DOCK10: variants seen among roughly 807,000 people sequenced by gnomAD.
DOCK10 encodes dedicator of cytokinesis protein 10.
In DOCK10, 145 loss-of-function variants were observed where a neutral mutation model predicts 280.1. The ratio of observed to expected loss-of-function variants is 0.52; its 90% CI spans 0.45 to 0.59. The LOEUF is 0.59. DOCK10 is among the 20% of genes least tolerant of loss of function. The pLI is 0.00. For synonymous variants in DOCK10, 915 were observed against 942.2 expected, an observed-to-expected ratio of 0.97 and a Z score of 0.53; for missense variants, 2,368 against 2,651.7, an observed-to-expected ratio of 0.89 and a Z score of 2.35.
chr2:224,772,956 T>G (rs1038361526), intron 53 of DOCK10, among the ~76,000 whole-genome samples: 3 of 152,182 alleles, frequency 2.0e-5, no homozygotes, highest in African/African-American at 7.2e-5. Context: ...CAGCTAAACT[T>G]AAGAAAGGCC....
At chr2:224,887,948 C>T (rs918221803) in intron 4 of DOCK10, among the ~76,000 whole-genome samples, 1 of 152,124 alleles carries the variant, frequency 6.6e-6, no homozygotes, top group Non-Finnish European at 1.5e-5. Context: ...CCTCTCACCC[C>T]TGGTAACTGT....
At chr2:224,823,083 G>A (rs1694609000) in intron 28 of DOCK10, among the ~76,000 whole-genome samples, 1 of 150,636 alleles carries the variant, frequency 6.6e-6, no homozygotes, top group Non-Finnish European at 1.5e-5. Flanking sequence ...CGCCTCCCAG[G>A]TTCAAGTGAT....
At chr2:224,768,113 C>T (rs1690179725) in intron 55 of DOCK10, among the ~76,000 whole-genome samples, 4 of 151,962 alleles carry the variant, frequency 2.6e-5, no homozygotes, top group African/African-American at 9.7e-5. Flanking sequence ...GACGGGGTTT[C>T]ACCATGTTGG....
intron 11 of DOCK10, among the ~76,000 whole-genome samples, chr2:224,871,904 C>T (rs138080762): frequency 1.2e-3 from 187 of 152,264 alleles, no homozygotes; most frequent in African/African-American, 4.0e-3. Flanking sequence ...TTCTTGTTTA[C>T]TTTCTGCCGT....
intron 1 of DOCK10, among the ~76,000 whole-genome samples, chr2:225,040,667 T>C (rs1055506820): frequency 5.6e-4 from 86 of 152,228 alleles, no homozygotes; most frequent in African/African-American, 2.0e-3. Flanking sequence ...AATTGAACGC[T>C]GTGTGTTTCC....
chr2:224,939,236 C>T (rs1575087672), intron 1 of DOCK10, among the ~76,000 whole-genome samples: 1 of 152,260 alleles, frequency 6.6e-6, no homozygotes, highest in Non-Finnish European at 1.5e-5. Context: ...CACACATTAT[C>T]GTTAGAAAAA....
At chr2:224,908,785 T>C (rs56265483) in intron 3 of DOCK10, among the ~76,000 whole-genome samples, 7,946 of 152,240 alleles carry the variant, frequency 0.052, 241 homozygotes, top group Middle Eastern at 0.13. Flanking sequence ...GTATAAGCCA[T>C]TGCACCCAGC....
chr2:224,886,894 C>CCT (rs1176193205), intron 4 of DOCK10, among the ~76,000 whole-genome samples: 2 of 134,558 alleles, frequency 1.5e-5, no homozygotes, highest in African/African-American at 2.8e-5. Context: ...CAACACCCCC[C>CCT]CAAGTAGTAC....
At chr2:224,807,121 A>T (rs994696755) in intron 33 of DOCK10, 3 of 152,160 alleles carry the variant, frequency 2.0e-5, no homozygotes, top group African/African-American at 7.2e-5. Context: ...TAAAAAAAAA[A>T]TCCATAGGCA....
chr2:224,818,700 C>A (rs539297036), intron 29 of DOCK10, among the ~76,000 whole-genome samples: 2 of 152,238 alleles, frequency 1.3e-5, no homozygotes, highest in African/African-American at 4.8e-5. Context: ...GCCCTGCCAG[C>A]CCCTGCTCTT....
At chr2:224,998,125 A>G (rs1013974565) in intron 1 of DOCK10, among the ~76,000 whole-genome samples, 1 of 152,178 alleles carries the variant, frequency 6.6e-6, no homozygotes, top group Non-Finnish European at 1.5e-5. Context: ...TCCTGGTTAT[A>G]GTTCTCATTA....
intron 18 of DOCK10, among the ~76,000 whole-genome samples, chr2:224,850,126 T>G (rs1696637226): frequency 6.6e-6 from 1 of 152,168 alleles, no homozygotes; most frequent in South Asian, 2.1e-4. Context: ...TAAAGTTTCT[T>G]TAGAAATCTT....
chr2:224,854,724 C>A (rs1031313256), intron 16 of DOCK10, among the ~76,000 whole-genome samples: 1 of 152,142 alleles, frequency 6.6e-6, no homozygotes, highest in African/African-American at 2.4e-5. Flanking sequence ...GAATATAGTT[C>A]TTGCCCTACA....
chr2:224,888,825 T>C (rs955036848), intron 4 of DOCK10, among the ~76,000 whole-genome samples: 2 of 151,836 alleles, frequency 1.3e-5, no homozygotes, highest in Non-Finnish European at 1.5e-5. Flanking sequence ...TGTATGTATG[T>C]GTGTGAATAT....
chr2:224,976,926 C>T (rs1213275960), intron 1 of DOCK10, among the ~76,000 whole-genome samples: 1 of 152,120 alleles, frequency 6.6e-6, no homozygotes, highest in Non-Finnish European at 1.5e-5. Context: ...CAGATTTTGA[C>T]CCACAAACTG....
At chr2:224,894,525 T>C (rs1292919277) in intron 4 of DOCK10, among the ~76,000 whole-genome samples, 1 of 152,196 alleles carries the variant, frequency 6.6e-6, no homozygotes, top group African/African-American at 2.4e-5. Context: ...AGTCCTGATG[T>C]TAAAAGATGC....
At position 224,770,166 on chromosome 2, in the gene DOCK10, G is replaced by C; in HGVS notation, c.6444+45C>G. On this transcript the variant is annotated intron_variant, in intron 55 of 55. Transcript: ENST00000258390. The surrounding 1 kb of genome is among the most constrained non-coding windows in gnomAD (Gnocchi z 4.5). ...TCCTTCTGGCATTGGGAGCGAAAGG[G>C]ACTTTCTGTCCACTGATAGCGCGTG... is the stretch of plus-strand genomic sequence containing the variant. The C allele has an allele frequency of 6.9e-7, 1 of 1,458,848 alleles. No individual in the cohort carries two copies. Among genetic ancestry groups the C allele is most frequent in the Non-Finnish European group, 9.1e-7 (1 of 1,103,386 alleles). The allele number at this position is 1,458,848 out of a possible 1,614,324, so 90.4% of individuals were successfully genotyped here. A position where few individuals can be genotyped will look rare whatever the true frequency, so the allele number is the denominator to read the frequency against.
chr2:224,804,350 TTTC>T, intron 38 of DOCK10, 137 bp from the exon 39 acceptor site: 1 of 556,750 alleles, frequency 1.8e-6, no homozygotes, highest in Non-Finnish European at 3.1e-6. Context: ...AAAACCCTGT[TTTC>T]TTTCGGAAAT....
intron 1 of DOCK10, among the ~76,000 whole-genome samples, chr2:225,025,666 C>T (rs573827328): frequency 5.6e-4 from 86 of 152,230 alleles, no homozygotes; most frequent in Non-Finnish European, 9.6e-4. Flanking sequence ...TTCTCAGAAG[C>T]ATTGGACCGA....
Sources: allele counts gnomAD v4.1 joint callset (sites outside exome capture counted in the v4.1 genomes callset), GRCh38; gene constraint gnomAD v4.1.1; non-coding constraint Gnocchi (gnomAD v3.1); transcripts MANE v1.5; gene names NCBI Gene and HGNC (gene_info 2026-07-23, HGNC 2026-07-21).